NFIA: variants seen among roughly 807,000 people sequenced by gnomAD.
NFIA encodes the protein nuclear factor 1 A-type.
NFIA carries 8 observed loss-of-function variants against 62.8 expected under a neutral mutation model. The ratio of observed to expected loss-of-function variants is 0.13; its 90% CI spans 0.07 to 0.23. The LOEUF is 0.23. NFIA is among the 10% of genes least tolerant of loss of function. The pLI is 1.00. For missense variants in NFIA, 410 were observed against 642.1 expected (o/e 0.64, Z 3.91); for synonymous variants, 235 against 238.1 (o/e 0.99, Z 0.12).
chr1:61,144,806 A>G (rs1647806367), intron 2 of NFIA, among the ~76,000 whole-genome samples: 1 of 152,174 alleles, frequency 6.6e-6, no homozygotes, highest in African/African-American at 2.4e-5. Context: ...GAATGGGTAG[A>G]TGTTTATTTT....
At chr1:61,396,767 A>T (rs994565171) in intron 7 of NFIA, among the ~76,000 whole-genome samples, 2 of 151,992 alleles carry the variant, frequency 1.3e-5, no homozygotes, top group Non-Finnish European at 2.9e-5. Flanking sequence ...GGGGAGGCCG[A>T]GGCAGGTAGA....
intron 9 of NFIA, among the ~76,000 whole-genome samples, chr1:61,410,807 T>A (rs1468317289): frequency 6.6e-6 from 1 of 152,076 alleles, no homozygotes; most frequent in Non-Finnish European, 1.5e-5. Flanking sequence ...CTTGGGAGGC[T>A]GAGGCAGGAA....
intron 2 of NFIA, among the ~76,000 whole-genome samples, chr1:61,274,445 G>A (rs1198915095): frequency 6.6e-6 from 1 of 152,174 alleles, no homozygotes; most frequent in Non-Finnish European, 1.5e-5. Context: ...CACAGTGTAA[G>A]TAAAATTCTC....
At chr1:61,189,906 T>C (rs1215371688) in intron 2 of NFIA, among the ~76,000 whole-genome samples, 2 of 152,166 alleles carry the variant, frequency 1.3e-5, no homozygotes, top group Non-Finnish European at 2.9e-5. Context: ...ACATCTTGGA[T>C]CTGGGGAACT....
At chr1:61,151,206 G>GT (rs757667640) in intron 2 of NFIA, among the ~76,000 whole-genome samples, 32 of 151,946 alleles carry the variant, frequency 2.1e-4, no homozygotes, top group Non-Finnish European at 2.4e-4. Context: ...TTTTGTTGTT[G>GT]TTGTTTGTTT....
chr1:61,318,949 T>C (rs72911968), intron 3 of NFIA, among the ~76,000 whole-genome samples: 3,171 of 152,054 alleles, frequency 0.021, 146 homozygotes, highest in African/African-American at 0.073. Context: ...TAAGATAGAG[T>C]GTATGGTAAA....
chr1:61,461,500 C>G lies in NFIA; in HGVS notation c.*6180C>G, dbSNP rs767246304. On this transcript the variant is annotated 3_prime_UTR_variant, in exon 11 of 11. Coordinates refer to ENST00000403491, the MANE Select transcript of NFIA (RefSeq NM_001134673.4). ...AATAAATTTCATCTCATTTTTTTCC[C>G]TAAACCAGCACCCATCTGCCTTTTA... The G allele has an allele frequency of 6.6e-6, 1 of 151,880 alleles. No individual in the cohort carries two copies. The highest frequency in any genetic ancestry group is 1.5e-5 in the Non-Finnish European group (1 of 67,960). 9.4% of individuals were successfully genotyped at this position (151,880 alleles called of 1,614,324 possible).
rs367813729 is a variant in NFIA, at chr1:61,361,366, A to G, written c.946+2092A>G. Among the ~76,000 whole-genome samples, 10 of 152,186 alleles carry G rather than the reference A, an allele frequency of 6.6e-5. No individual in the cohort carries two copies. The East Asian group carries it at 1.5e-3, about 23-fold the overall frequency. On this transcript the variant is annotated intron_variant, in intron 6 of 10. Coordinates refer to ENST00000403491, the MANE Select transcript of NFIA (RefSeq NM_001134673.4). ...TTATGTGCTATTAAAAAATTAAAAGATGGAAAACTTCTTTGAACCCTTTTT... is the reference window on the plus strand; with the variant it reads ...TTATGTGCTATTAAAAAATTAAAAGGTGGAAAACTTCTTTGAACCCTTTTT...
At chr1:61,353,095 A>G (rs1449854044) in intron 5 of NFIA, among the ~76,000 whole-genome samples, 1 of 152,164 alleles carries the variant, frequency 6.6e-6, no homozygotes, top group Non-Finnish European at 1.5e-5. Context: ...TGCCCACAGC[A>G]GACATTACAG....
At chr1:61,119,008 A>G (rs1646841115) in intron 2 of NFIA, among the ~76,000 whole-genome samples, 1 of 152,206 alleles carries the variant, frequency 6.6e-6, no homozygotes, top group African/African-American at 2.4e-5. Flanking sequence ...GAAAGATATT[A>G]TAGGTCTTTT....
chr1:61,365,443 G>A (rs1033493135), intron 6 of NFIA, among the ~76,000 whole-genome samples: 6 of 152,154 alleles, frequency 3.9e-5, no homozygotes, highest in African/African-American at 1.2e-4. Context: ...TAGATAGGTA[G>A]AAATCTAGCC....
intron 3 of NFIA, among the ~76,000 whole-genome samples, chr1:61,316,495 G>A (rs770107113): frequency 2.0e-5 from 3 of 152,126 alleles, no homozygotes; most frequent in Non-Finnish European, 4.4e-5. Context: ...GTGCTCACAA[G>A]GAGGGGATGT....
intron 2 of NFIA, among the ~76,000 whole-genome samples, chr1:61,273,280 A>G (rs1331763270): frequency 6.6e-6 from 1 of 152,132 alleles, no homozygotes; most frequent in Non-Finnish European, 1.5e-5. Flanking sequence ...ACCTGTATAC[A>G]TTTCTGGAGG....
chr1:61,237,457 A>G (rs1436452274), intron 2 of NFIA, among the ~76,000 whole-genome samples: 1 of 152,248 alleles, frequency 6.6e-6, no homozygotes, highest in East Asian at 1.9e-4. Flanking sequence ...AATCTCTGGC[A>G]GAGAAAATAT....
intron 3 of NFIA, 97 bp from the exon 4 acceptor site, chr1:61,332,415 C>T (rs903553278): frequency 5.3e-6 from 6 of 1,126,330 alleles, no homozygotes; most frequent in Non-Finnish European, 6.7e-6. Flanking sequence ...GATTAGGCAC[C>T]ACATGTGTTA....
At chr1:61,181,385 T>C (rs1291031644) in intron 2 of NFIA, among the ~76,000 whole-genome samples, 1 of 152,206 alleles carries the variant, frequency 6.6e-6, no homozygotes, top group Non-Finnish European at 1.5e-5. Flanking sequence ...GCAAATAACA[T>C]GGCTAAGCCT....
chr1:61,278,111 TAGTG>T (rs1027411952), intron 3 of NFIA, among the ~76,000 whole-genome samples: 5 of 152,110 alleles, frequency 3.3e-5, no homozygotes, highest in Non-Finnish European at 7.4e-5. Context: ...TAAAATAAAA[TAGTG>T]AGGATACAGG....
intron 10 of NFIA, among the ~76,000 whole-genome samples, chr1:61,437,823 C>T (rs184070689): frequency 1.4e-4 from 22 of 152,232 alleles, no homozygotes; most frequent in Admixed American, 3.3e-4. Context: ...TGCAAAGGAA[C>T]AGCAGTGTGT....
intron 2 of NFIA, among the ~76,000 whole-genome samples, chr1:61,207,147 G>A (rs1652951432): frequency 6.6e-6 from 1 of 152,120 alleles, no homozygotes; most frequent in South Asian, 2.1e-4. Flanking sequence ...GCTGTGATGG[G>A]TTAGAAAATT....
Sources: allele counts gnomAD v4.1 joint callset (sites outside exome capture counted in the v4.1 genomes callset), GRCh38; gene constraint gnomAD v4.1.1; transcripts MANE v1.5; gene names NCBI Gene and HGNC (gene_info 2026-07-23, HGNC 2026-07-21).